Variants in CADPS observed in about 807,000 individuals in gnomAD.
CADPS encodes calcium dependent secretion activator.
Under a neutral mutation model 167.3 loss-of-function variants are expected in CADPS, and 57 were observed. The ratio of observed to expected loss-of-function variants is 0.34; its 90% CI spans 0.28 to 0.42. The LOEUF (loss-of-function observed/expected upper bound fraction) is 0.42, where lower values mean the gene tolerates loss of function less well. Among genes scored for constraint, CADPS ranks in the 20% least tolerant of loss-of-function variants. The pLI, the probability that CADPS is intolerant of heterozygous loss-of-function variation, is 1.00. For synonymous variants in CADPS, 676 were observed against 635.3 expected (o/e 1.06, Z -0.96); for missense variants, 1,414 against 1,738.1 (o/e 0.81, Z 3.32).
intron 21 of CADPS, among the ~76,000 whole-genome samples, chr3:62,488,893 A>G (rs761696758): frequency 1.3e-5 from 2 of 152,230 alleles, no homozygotes; most frequent in Non-Finnish European, 2.9e-5. Flanking sequence ...ATAATTTTAG[A>G]TAGCAAAAAG....
chr3:62,535,888 G>A (rs1243250362), intron 12 of CADPS: 1 of 150,976 alleles, frequency 6.6e-6, no homozygotes, highest in African/African-American at 2.4e-5. Flanking sequence ...AATAACTAAA[G>A]CACCATAAAA....
chr3:62,764,278 A>G (rs2086288832), intron 2 of CADPS, among the ~76,000 whole-genome samples: 1 of 152,192 alleles, frequency 6.6e-6, no homozygotes, highest in African/African-American at 2.4e-5. Flanking sequence ...GTTATTCACT[A>G]TCATATATCA....
rs1204223911 is a variant in CADPS, at chr3:62,433,141, G to A, written c.3777+4963C>T. ...TACTTTGATTGATATATGCTCACAT[G>A]TATGGTGCTTTAGTAATTTAATAAG... On this transcript the variant is annotated intron_variant, in intron 28 of 29. Coordinates refer to ENST00000383710, the MANE Select transcript of CADPS (RefSeq NM_003716.4). The surrounding 1 kb of genome is among the most constrained non-coding windows in gnomAD (Gnocchi z 4.7). 6.6e-6 allele frequency among the ~76,000 whole-genome samples: 1 copy of A among 152,076 alleles called. No individual in the cohort carries two copies. Among genetic ancestry groups the A allele is most frequent in the East Asian group, 1.9e-4 (1 of 5,186 alleles).
chr3:62,623,962 C>T (rs542976800), intron 6 of CADPS, among the ~76,000 whole-genome samples: 45 of 23,660 alleles, frequency 1.9e-3, no homozygotes, highest in African/African-American at 2.6e-3. Flanking sequence ...GTTGTCACCA[C>T]GAGGGTGGGG....
intron 1 of CADPS, among the ~76,000 whole-genome samples, chr3:62,821,779 T>C (rs963337487): frequency 5.3e-5 from 8 of 152,186 alleles, no homozygotes; most frequent in Admixed American, 5.2e-4. Context: ...GTGACACAGT[T>C]CAATTTTTGC....
At chr3:62,658,555 T>C (rs1402217825) in intron 4 of CADPS, among the ~76,000 whole-genome samples, 1 of 152,158 alleles carries the variant, frequency 6.6e-6, no homozygotes, top group Non-Finnish European at 1.5e-5. Flanking sequence ...AATAATAGCA[T>C]CTTTCTCATT....
At chr3:62,650,717 G>T in intron 5 of CADPS, 130 bp downstream of exon 5, 1 of 654,518 alleles carries the variant, frequency 1.5e-6, no homozygotes, top group South Asian at 2.0e-5. Context: ...GCTGACCTAA[G>T]CTTAGCATGC....
At chr3:62,871,018 T>A (rs2082542850) in intron 1 of CADPS, among the ~76,000 whole-genome samples, 1 of 152,146 alleles carries the variant, frequency 6.6e-6, no homozygotes, top group South Asian at 2.1e-4. Context: ...ATTTTTGTTT[T>A]GGTCATAAAT....
In CADPS at chr3:62,698,757, T is replaced by TTTTC. The variant is rs1554088701; in HGVS notation, c.889-36364_889-36363insGAAA. On this transcript the variant is annotated intron_variant, in intron 3 of 29. Transcript: ENST00000383710. The stretch of plus-strand genomic sequence containing the variant: ...TTTTTTTTTTTTTTTTTTTTTTTTT[T>TTTTC]CAGACAGGGTCTTGCTTTGTCACCC... Among the ~76,000 whole-genome samples the TTTTC allele has an allele frequency of 2.0e-3, 162 of 79,360 alleles. 22 individuals are homozygous for TTTTC. The highest frequency in any genetic ancestry group is 5.6e-3 in the African/African-American group (118 of 21,100). 52.1% of individuals were successfully genotyped at this position (79,360 alleles called of 152,430 possible). A position where few individuals can be genotyped will look rare whatever the true frequency, so the allele number is the denominator to read the frequency against.
intron 13 of CADPS, among the ~76,000 whole-genome samples, chr3:62,519,570 A>T (rs2069908215): frequency 6.6e-6 from 1 of 152,174 alleles, no homozygotes; most frequent in African/African-American, 2.4e-5. Flanking sequence ...AACAACAGGT[A>T]GGTTGCCTTC....
chr3:62,866,089 G>A (rs979428638), intron 1 of CADPS, among the ~76,000 whole-genome samples: 2 of 152,088 alleles, frequency 1.3e-5, no homozygotes, highest in African/African-American at 4.8e-5. Flanking sequence ...ACACACTATG[G>A]TGATTCAAGT....
At chr3:62,858,089 T>C (rs566338843) in intron 1 of CADPS, among the ~76,000 whole-genome samples, 1 of 152,252 alleles carries the variant, frequency 6.6e-6, no homozygotes, top group Admixed American at 6.5e-5. Context: ...TCAACAAATT[T>C]TTACTGTAAA....
chr3:62,722,985 C>T (rs1330412964), intron 3 of CADPS, among the ~76,000 whole-genome samples: 1 of 152,096 alleles, frequency 6.6e-6, no homozygotes, highest in African/African-American at 2.4e-5. Flanking sequence ...GTCAAAATTG[C>T]CCCCAGTTGA....
At chr3:62,859,469 A>G (rs2080345987) in intron 1 of CADPS, among the ~76,000 whole-genome samples, 1 of 152,162 alleles carries the variant, frequency 6.6e-6, no homozygotes, top group African/African-American at 2.4e-5. Flanking sequence ...GAAAACTGAA[A>G]AGCTCTTTGG....
At chr3:62,609,766 G>A (rs2061231164) in intron 6 of CADPS, among the ~76,000 whole-genome samples, 1 of 152,132 alleles carries the variant, frequency 6.6e-6, no homozygotes. Context: ...TGTCCTAGAA[G>A]TGACAGAAGT....
At position 62,857,367 on chromosome 3, in the gene CADPS, A is replaced by C. The variant is rs1310525960; in HGVS notation, c.441+17222T>G. ...TTTGGAAATTGGTAACAGCATTTTA[A>C]ATTTATATATTCTTAATATTAAAGA... On this transcript the variant is annotated intron_variant, in intron 1 of 29. Coordinates refer to ENST00000383710, the MANE Select transcript of CADPS (RefSeq NM_003716.4). Among the ~76,000 whole-genome samples the C allele has an allele frequency of 2.0e-5, 3 of 152,102 alleles. No individual in the cohort carries two copies. In the East Asian group the frequency reaches 5.8e-4, roughly 29 times the overall value.
At chr3:62,517,306 A>G (rs113259616) in intron 14 of CADPS, among the ~76,000 whole-genome samples, 5,066 of 152,256 alleles carry the variant, frequency 0.033, 124 homozygotes, top group Non-Finnish European at 0.05. Context: ...AGAGACTAGC[A>G]TGGCTGCTTA....
intron 18 of CADPS, among the ~76,000 whole-genome samples, chr3:62,496,856 T>G (rs894829937): frequency 6.6e-6 from 1 of 152,154 alleles, no homozygotes; most frequent in Non-Finnish European, 1.5e-5. Flanking sequence ...AGACGCTCAA[T>G]AGGTAGCTTT....
At chr3:62,801,310 T>G (rs551107878) in intron 1 of CADPS, among the ~76,000 whole-genome samples, 7 of 152,218 alleles carry the variant, frequency 4.6e-5, no homozygotes, top group Admixed American at 1.3e-4. Flanking sequence ...TGTTCTTTGG[T>G]TTTATGACTT....
Sources: allele counts gnomAD v4.1 joint callset (sites outside exome capture counted in the v4.1 genomes callset), GRCh38; gene constraint gnomAD v4.1.1; non-coding constraint Gnocchi (gnomAD v3.1); transcripts MANE v1.5; gene names NCBI Gene and HGNC (gene_info 2026-07-23, HGNC 2026-07-21).